SH3BGR: variants seen among roughly 807,000 people sequenced by gnomAD.
SH3BGR encodes the protein SH3 domain binding glutamate rich protein.
A neutral mutation model predicts 24.5 loss-of-function variants in SH3BGR; 29 were observed. The observed-to-expected ratio is 1.18, with a 90% confidence interval of 0.88 to 1.61. The LOEUF (loss-of-function observed/expected upper bound fraction) is 1.61, where lower values mean the gene tolerates loss of function less well. Ranked by LOEUF, SH3BGR falls within the 40% of genes most tolerant of loss-of-function variation. The pLI is 0.00. For missense variants in SH3BGR, 162 were observed against 205.8 expected, an observed-to-expected ratio of 0.79 and a Z score of 1.30; for synonymous variants, 55 against 65.7, an observed-to-expected ratio of 0.84 and a Z score of 0.79.
Position 39,511,892 on chromosome 21 carries a change from G to A in SH3BGR, c.*34+83G>A. ...CGGCACATTTTGCTTAGTAACAGGA[G>A]AAAGGGAATTCCAATTCAGGGCTGT... On this transcript the variant is annotated intron_variant, in intron 6 of 6. Coordinates refer to ENST00000333634, the MANE Select transcript of SH3BGR (RefSeq NM_007341.3). The surrounding 1 kb of genome is among the most constrained non-coding windows in gnomAD (Gnocchi z 4.2). 7.7e-7 allele frequency: 1 copy of A among 1,300,824 alleles called. No homozygotes were observed. Among genetic ancestry groups the A allele is most frequent in the South Asian group, 1.6e-5 (1 of 61,202 alleles). The allele number at this position is 1,300,824 out of a possible 1,614,324, so 80.6% of individuals were successfully genotyped here. A position where few individuals can be genotyped will look rare whatever the true frequency, so the allele number is the denominator to read the frequency against.
intron 3 of SH3BGR, among the ~76,000 whole-genome samples, chr21:39,494,228 T>C (rs994003341): frequency 7.7e-6 from 1 of 129,580 alleles, no homozygotes; most frequent in Non-Finnish European, 1.6e-5. Flanking sequence ...AACAGTCTTC[T>C]TCCTCTTCTT....
In SH3BGR at chr21:39,511,807, C is replaced by T. The variant is rs200924466; in HGVS notation, c.*32C>T. 1.4e-4 allele frequency: 222 copies of T among 1,603,992 alleles called. No homozygotes were observed. In the African/African-American group the frequency reaches 2.7e-3, roughly 19 times the overall value. ...TCATGCTTCATTTCTTCCACTTCTC[C>T]AGGTAGCTACAGGATTCTGGGGTGG... On this transcript the variant is annotated splice_region_variant and 3_prime_UTR_variant, in exon 6 of 7. Coordinates refer to ENST00000333634, the MANE Select transcript of SH3BGR (RefSeq NM_007341.3). This position sits in a 1 kb window ranked among gnomAD's most constrained non-coding sequence, Gnocchi z 4.2.
intron 3 of SH3BGR, among the ~76,000 whole-genome samples, chr21:39,495,281 A>G (rs2078374273): frequency 6.6e-6 from 1 of 152,128 alleles, no homozygotes. Flanking sequence ...TCTTGAACAT[A>G]GTGAGTCTTG....
chr21:39,488,173 A>C (rs1359312390), intron 3 of SH3BGR, among the ~76,000 whole-genome samples: 5 of 152,202 alleles, frequency 3.3e-5, no homozygotes, highest in Non-Finnish European at 7.3e-5. Context: ...GACTAAGCCC[A>C]CTGGTATGGC....
Position 39,515,081 on chromosome 21 carries a change from C to A in SH3BGR, c.*35-7C>A, listed in dbSNP as rs765128533. The stretch of plus-strand genomic sequence containing the variant: ...AGTCTTTCCCTAATATTTGCCTTTT[C>A]TTTTAGAAAATGGAAGCTATGAAGC... On this transcript the variant is annotated splice_polypyrimidine_tract_variant and splice_region_variant and intron_variant, in intron 6 of 6. Coordinates refer to ENST00000333634, the MANE Select transcript of SH3BGR (RefSeq NM_007341.3). The A allele has an allele frequency of 1.5e-5, 7 of 469,326 alleles. No individual in the cohort carries two copies. The highest frequency in any genetic ancestry group is 9.4e-5 in the South Asian group (6 of 63,892). 29.1% of individuals were successfully genotyped at this position (469,326 alleles called of 1,614,324 possible).
chr21:39,474,620 A>T (rs1210759140), intron 2 of SH3BGR, among the ~76,000 whole-genome samples: 1 of 151,818 alleles, frequency 6.6e-6, no homozygotes, highest in South Asian at 2.1e-4. Context: ...GTTTCCAATC[A>T]CTCCAGTTGT....
chr21:39,502,211 T>G (rs1299585507), intron 4 of SH3BGR, among the ~76,000 whole-genome samples: 1 of 152,150 alleles, frequency 6.6e-6, no homozygotes, highest in East Asian at 1.9e-4. Context: ...GTGGGCTATT[T>G]GTAAAGGCAT....
At chr21:39,481,810 C>T (rs1392625845) in intron 3 of SH3BGR, among the ~76,000 whole-genome samples, 4 of 152,022 alleles carry the variant, frequency 2.6e-5, no homozygotes, top group South Asian at 2.1e-4. Flanking sequence ...AAAAATAACC[C>T]GTTTGCCAAA....
At chr21:39,481,977 CGATCTTTATAATAAAGA>C (rs1453284245) in intron 3 of SH3BGR, among the ~76,000 whole-genome samples, 1 of 152,090 alleles carries the variant, frequency 6.6e-6, no homozygotes, top group Non-Finnish European at 1.5e-5. Flanking sequence ...AAGGGGAAAC[CGATCTTTATAATAAAGA>C]GATCTATTGG....
chr21:39,514,040 T>A (rs932133969), intron 6 of SH3BGR, among the ~76,000 whole-genome samples: 2 of 152,186 alleles, frequency 1.3e-5, no homozygotes, highest in Non-Finnish European at 2.9e-5. Context: ...CTCTGATGGG[T>A]TCTAGTTTGG....
chr21:39,515,498 A>G lies in SH3BGR; in HGVS notation c.*445A>G, dbSNP rs1202741520. 1 of 154,332 alleles carries G rather than the reference A, an allele frequency of 6.5e-6. No homozygotes were observed. The highest frequency in any genetic ancestry group is 1.4e-5 in the Non-Finnish European group (1 of 69,124). 9.6% of individuals were successfully genotyped at this position (154,332 alleles called of 1,614,324 possible). On this transcript the variant is annotated 3_prime_UTR_variant, in exon 7 of 7. Transcript: ENST00000333634. ...AACCATCATATAAATAAAGATTAAT[A>G]GAAAAATATCTTGTCCCAAGGAGCA...
chr21:39,447,486 G>C (rs897674418), upstream of SH3BGR, among the ~76,000 whole-genome samples: 5 of 139,834 alleles, frequency 3.6e-5, no homozygotes, highest in African/African-American at 1.4e-4. Context: ...CGCCATCCCA[G>C]CTCACCACAA....
At chr21:39,492,916 A>G (rs2078328911) in intron 3 of SH3BGR, among the ~76,000 whole-genome samples, 1 of 152,082 alleles carries the variant, frequency 6.6e-6, no homozygotes, top group South Asian at 2.1e-4. Flanking sequence ...CCATTTGTAT[A>G]TCTTCTTTTG....
chr21:39,449,964 G>A (rs951521705), upstream of SH3BGR, among the ~76,000 whole-genome samples: 1 of 152,186 alleles, frequency 6.6e-6, no homozygotes, highest in Admixed American at 6.5e-5. Context: ...TGGAGGAGGT[G>A]TCATTATTGA....
upstream of SH3BGR, chr21:39,447,196 T>C (rs915714134): frequency 4.0e-5 from 6 of 151,010 alleles, no homozygotes; most frequent in African/African-American, 1.5e-4. Context: ...TATGGAAAGA[T>C]GGGCTGATGC....
intron 3 of SH3BGR, among the ~76,000 whole-genome samples, chr21:39,497,155 A>G (rs546438671): frequency 1.2e-3 from 178 of 150,738 alleles, no homozygotes; most frequent in African/African-American, 4.0e-3. Context: ...TTATATTTAT[A>G]TGTTTATATA....
intron 3 of SH3BGR, among the ~76,000 whole-genome samples, chr21:39,477,198 G>A (rs2078041183): frequency 6.6e-6 from 1 of 151,594 alleles, no homozygotes; most frequent in Non-Finnish European, 1.5e-5. Context: ...ACTTATTATT[G>A]TGTCATAAAC....
rs764041230 is a variant in SH3BGR at position 39,515,230 on chromosome 21, C to A, written c.*177C>A. On this transcript the variant is annotated 3_prime_UTR_variant, in exon 7 of 7. Coordinates refer to ENST00000333634, the MANE Select transcript of SH3BGR (RefSeq NM_007341.3). ...GTTAGATGTACATGGAGGTATCTCC[C>A]GAATCATACAAAATTAAATGTGAAG... The A allele has an allele frequency of 2.5e-6, 1 of 402,526 alleles. No homozygotes were observed. The allele number at this position is 402,526 out of a possible 1,614,324, so 24.9% of individuals were successfully genotyped here. A position where few individuals can be genotyped will look rare whatever the true frequency, so the allele number is the denominator to read the frequency against.
chr21:39,480,396 C>G (rs1186373499), intron 3 of SH3BGR, among the ~76,000 whole-genome samples: 2 of 152,244 alleles, frequency 1.3e-5, no homozygotes, highest in Non-Finnish European at 2.9e-5. Flanking sequence ...CTTTCGTTCT[C>G]TGCAGGCTTG....
Sources: gnomAD v4.1 joint callset for allele counts (sites outside exome capture counted in the v4.1 genomes callset) on GRCh38, gnomAD v4.1.1 for gene constraint, Gnocchi (gnomAD v3.1) non-coding constraint, MANE v1.5 for transcripts, NCBI Gene and HGNC (gene_info 2026-07-23, HGNC 2026-07-21) for gene names.